The following DNAAF11 variants were observed in gnomAD, a reference collection of about 807,000 sequenced individuals.
DNAAF11 encodes the protein leucine rich repeat containing 6.
DNAAF11 carries 45 observed loss-of-function variants against 60.8 expected under a neutral mutation model. That is an observed-to-expected ratio of 0.74 (90% CI 0.58 to 0.95). The LOEUF is 0.95. DNAAF11 is among the 40% of genes least tolerant of loss of function. The pLI, the probability that DNAAF11 is intolerant of heterozygous loss-of-function variation, is 0.00. For missense variants in DNAAF11, 546 were observed against 546.2 expected (o/e 1.00, Z 0.00); for synonymous variants, 191 against 183.5 (o/e 1.04, Z -0.33).
chr8:132,646,292 A>G (rs1822375715), intron 3 of DNAAF11, among the ~76,000 whole-genome samples: 1 of 152,178 alleles, frequency 6.6e-6, no homozygotes, highest in Admixed American at 6.5e-5. Context: ...ATGCTGAGAG[A>G]TTTTGTCACC....
intron 1 of DNAAF11, among the ~76,000 whole-genome samples, chr8:132,671,922 GA>G (rs142196837): frequency 0.042 from 6,294 of 151,124 alleles, 436 homozygotes; most frequent in African/African-American, 0.14. Flanking sequence ...AAATTTCTAG[GA>G]AAAAAAAGAG....
At chr8:132,661,960 A>G (rs1239308323) in intron 1 of DNAAF11, among the ~76,000 whole-genome samples, 3 of 152,222 alleles carry the variant, frequency 2.0e-5, no homozygotes, top group Non-Finnish European at 4.4e-5. Context: ...TGGTGGTACC[A>G]TGTTAAAATG....
At chr8:132,648,127 C>A (rs981190680) in intron 3 of DNAAF11, among the ~76,000 whole-genome samples, 1 of 152,056 alleles carries the variant, frequency 6.6e-6, no homozygotes. Context: ...ACTGGCAAAC[C>A]GAATCCAGCA....
intron 11 of DNAAF11, among the ~76,000 whole-genome samples, chr8:132,582,836 T>A (rs1243219120): frequency 6.6e-6 from 1 of 152,180 alleles, no homozygotes; most frequent in African/African-American, 2.4e-5. Flanking sequence ...CAAAATAGAT[T>A]TTACCATCTG....
At chr8:132,665,841 C>T (rs1443421600) in intron 1 of DNAAF11, among the ~76,000 whole-genome samples, 2 of 152,230 alleles carry the variant, frequency 1.3e-5, no homozygotes, top group African/African-American at 4.8e-5. Context: ...GTAATGTATT[C>T]AACCCAAGTC....
At chr8:132,623,623 G>T (rs1230915791) in intron 6 of DNAAF11, among the ~76,000 whole-genome samples, 1 of 152,116 alleles carries the variant, frequency 6.6e-6, no homozygotes, top group Non-Finnish European at 1.5e-5. Flanking sequence ...ACAATATCTA[G>T]ATCAGATAAA....
At chr8:132,606,769 G>A (rs1033197894) in intron 10 of DNAAF11, among the ~76,000 whole-genome samples, 8 of 152,124 alleles carry the variant, frequency 5.3e-5, no homozygotes, top group South Asian at 2.1e-4. Flanking sequence ...CTTCCAAAGC[G>A]CTGAGATTAC....
At chr8:132,620,662 A>G (rs1819666192) in intron 7 of DNAAF11, among the ~76,000 whole-genome samples, 1 of 152,202 alleles carries the variant, frequency 6.6e-6, no homozygotes, top group Non-Finnish European at 1.5e-5. Context: ...GATGAACCAT[A>G]AAACTAAAGC....
chr8:132,595,346 GGGAAAA>G (rs1816885037), intron 10 of DNAAF11, among the ~76,000 whole-genome samples: 3 of 8,374 alleles, frequency 3.6e-4, no homozygotes, highest in African/African-American at 2.0e-3. Context: ...AGAGACAGAG[GGGAAAA>G]AAAAAAAAAA....
intron 1 of DNAAF11, among the ~76,000 whole-genome samples, chr8:132,664,552 C>T (rs1033709705): frequency 7.9e-5 from 12 of 152,176 alleles, no homozygotes; most frequent in African/African-American, 2.9e-4. Flanking sequence ...TTTGCTGCAG[C>T]CCAGGATCAA....
At chr8:132,613,117 T>C (rs1377922607) in intron 8 of DNAAF11, among the ~76,000 whole-genome samples, 1 of 152,118 alleles carries the variant, frequency 6.6e-6, no homozygotes, top group South Asian at 2.1e-4. Flanking sequence ...GGAGAAGAGC[T>C]GGGATCTTTG....
chr8:132,655,789 A>G (rs1171717834), intron 3 of DNAAF11, among the ~76,000 whole-genome samples: 3 of 152,226 alleles, frequency 2.0e-5, no homozygotes, highest in South Asian at 4.1e-4. Flanking sequence ...CACACCTATT[A>G]GGGTAGGATG....
At chr8:132,692,520 T>G in the DNAAF11 span, among the ~76,000 whole-genome samples, 1 of 152,140 alleles carries the variant, frequency 6.6e-6, no homozygotes, top group Middle Eastern at 3.2e-3. Flanking sequence ...CACTGAGAGA[T>G]TTTGATCCAG....
chr8:132,647,035 A>C (rs563415923), intron 3 of DNAAF11, among the ~76,000 whole-genome samples: 1 of 152,358 alleles, frequency 6.6e-6, no homozygotes, highest in African/African-American at 2.4e-5. Context: ...AATCGACAGA[A>C]TATACATTCT....
chr8:132,653,620 AAC>A (rs1823243754), intron 3 of DNAAF11, among the ~76,000 whole-genome samples: 1 of 152,188 alleles, frequency 6.6e-6, no homozygotes, highest in Non-Finnish European at 1.5e-5. Context: ...ATGTGACAAT[AAC>A]AGCATAAACG....
At chr8:132,605,156 T>C (rs553461460) in intron 10 of DNAAF11, among the ~76,000 whole-genome samples, 1 of 152,294 alleles carries the variant, frequency 6.6e-6, no homozygotes, top group South Asian at 2.1e-4. Context: ...AGGTCTGAAT[T>C]ACTACTGATA....
intron 10 of DNAAF11, among the ~76,000 whole-genome samples, chr8:132,604,812 T>C (rs893412455): frequency 6.6e-6 from 1 of 152,012 alleles, no homozygotes; most frequent in Non-Finnish European, 1.5e-5. Flanking sequence ...TAAATAAACT[T>C]AGGACATGTG....
At chr8:132,595,184 G>T in intron 10 of DNAAF11, among the ~76,000 whole-genome samples, 1 of 152,112 alleles carries the variant, frequency 6.6e-6, no homozygotes, top group East Asian at 1.9e-4. Flanking sequence ...GGGCAGAAAT[G>T]CTCTTGGCAG....
At chr8:132,615,506 T>C (rs1255760409) in intron 7 of DNAAF11, among the ~76,000 whole-genome samples, 1 of 152,214 alleles carries the variant, frequency 6.6e-6, no homozygotes, top group East Asian at 1.9e-4. Context: ...CCTTAAGTTT[T>C]AGAGTCCTGT....
Sources: allele counts gnomAD v4.1 joint callset (sites outside exome capture counted in the v4.1 genomes callset), GRCh38; gene constraint gnomAD v4.1.1; transcripts MANE v1.5; gene names NCBI Gene and HGNC (gene_info 2026-07-23, HGNC 2026-07-21).